PADI4: variants seen among roughly 807,000 people sequenced by gnomAD.
PADI4 encodes the protein protein-arginine deiminase type-4.
A neutral mutation model predicts 75.0 loss-of-function variants in PADI4; 62 were observed. The ratio of observed to expected loss-of-function variants is 0.83; its 90% CI spans 0.67 to 1.02. PADI4 has a LOEUF of 1.02. Ranked by LOEUF, PADI4 falls within the 50% of genes least tolerant of loss-of-function variation. The pLI, the probability that PADI4 is intolerant of heterozygous loss-of-function variation, is 0.00. For synonymous variants in PADI4, 361 were observed against 348.1 expected (o/e 1.04, Z -0.41); for missense variants, 845 against 850.5 (o/e 0.99, Z 0.08).
At chr1:17,317,073 G>C (rs1208974260) in intron 1 of PADI4, among the ~76,000 whole-genome samples, 1 of 152,158 alleles carries the variant, frequency 6.6e-6, no homozygotes, top group South Asian at 2.1e-4. Context: ...AACTCCAATA[G>C]TACGTATGTC....
intron 1 of PADI4, among the ~76,000 whole-genome samples, chr1:17,308,662 A>G (rs1016493785): frequency 6.6e-6 from 1 of 152,128 alleles, no homozygotes; most frequent in African/African-American, 2.4e-5. Context: ...CCCTGGAAGT[A>G]AGGTTAGCCC....
chr1:17,356,042 A>C lies in PADI4; in HGVS notation c.1370A>C (p.Gln457Pro). 1 of 1,613,928 alleles carries C rather than the reference A, an allele frequency of 6.2e-7. No homozygotes were observed. Among genetic ancestry groups the C allele is most frequent in the Non-Finnish European group, 8.5e-7 (1 of 1,179,784 alleles). ...LQDFLSAQQV[Q>P]APVKLYSDWL... Reference sequence around the variant, plus strand: ...GACTTCCTCAGTGCCCAGCAGGTGCAGGCCCCTGTGAAGCTCTATTCTGAC... The same window carrying C: ...GACTTCCTCAGTGCCCAGCAGGTGCCGGCCCCTGTGAAGCTCTATTCTGAC... The change falls in exon 12 of 16, where the codon CAG (glutamine) becomes CCG (proline). Residue 457 changes from glutamine to proline, a missense_variant. Physicochemically the swap from Gln to Pro is moderately conservative, Grantham distance 76. Transcript: ENST00000375448. The surrounding 1 kb of genome is among the most constrained non-coding windows in gnomAD (Gnocchi z 4.1).
In PADI4 at chr1:17,346,266, G is replaced by C. The variant is rs2100754286; in HGVS notation, c.1047+127G>C. 1.6e-6 allele frequency: 1 copy of C among 621,104 alleles called. No individual in the cohort carries two copies. The highest frequency in any genetic ancestry group is 2.8e-5 in the East Asian group (1 of 35,362). 38.5% of individuals were successfully genotyped at this position (621,104 alleles called of 1,614,324 possible). A position where few individuals can be genotyped will look rare whatever the true frequency, so the allele number is the denominator to read the frequency against. On this transcript the variant is annotated intron_variant, in intron 9 of 15. Coordinates refer to ENST00000375448, the MANE Select transcript of PADI4 (RefSeq NM_012387.3). This position sits in a 1 kb window ranked among gnomAD's most constrained non-coding sequence, Gnocchi z 4.3. ...TCTTCCTTAGATGGACAGGGAGATA[G>C]GAACCTGAGAGATCCTTGGGCCGGG... is the stretch of plus-strand genomic sequence containing the variant.
intron 8 of PADI4, among the ~76,000 whole-genome samples, chr1:17,343,423 G>A (rs1283756490): frequency 2.0e-5 from 3 of 152,104 alleles, no homozygotes; most frequent in African/African-American, 7.2e-5. Flanking sequence ...AGGGGCAGAA[G>A]AGTAAGAGGG....
chr1:17,315,566 C>A (rs563666221), intron 1 of PADI4, among the ~76,000 whole-genome samples: 14 of 150,710 alleles, frequency 9.3e-5, no homozygotes, highest in Non-Finnish European at 1.2e-4. Context: ...CCACCACCAT[C>A]CCTTACAGCG....
chr1:17,343,846 T>C (rs2074467734), intron 8 of PADI4, among the ~76,000 whole-genome samples: 1 of 152,148 alleles, frequency 6.6e-6, no homozygotes, highest in East Asian at 1.9e-4. Context: ...TTTTCCTTCC[T>C]AGTCTCAGGT....
chr1:17,308,429 C>T lies in PADI4; in HGVS notation c.92+115C>T, dbSNP rs1283270767. 10 of 773,788 alleles carry T rather than the reference C, an allele frequency of 1.3e-5. No individual in the cohort carries two copies. The East Asian group carries it at 2.4e-4, about 19-fold the overall frequency. The allele number at this position is 773,788 out of a possible 1,614,324, so 47.9% of individuals were successfully genotyped here. A position where few individuals can be genotyped will look rare whatever the true frequency, so the allele number is the denominator to read the frequency against. On this transcript the variant is annotated intron_variant, in intron 1 of 15. Transcript: ENST00000375448. ...AGGCTCTAGGCTCCAGCCTCTGCAGCCACTGCCAGGGGAGTAGCTGGAGAG... is the reference window on the plus strand; with the variant it reads ...AGGCTCTAGGCTCCAGCCTCTGCAGTCACTGCCAGGGGAGTAGCTGGAGAG...
intron 1 of PADI4, among the ~76,000 whole-genome samples, chr1:17,316,495 C>A (rs919014162): frequency 1.8e-4 from 27 of 151,798 alleles, no homozygotes; most frequent in Admixed American, 3.3e-4. Context: ...CGAGACCATC[C>A]TGGCTAACAC....
Position 17,356,376 on chromosome 1 carries a change from C to T in PADI4, c.1475C>T (p.Ala492Val), listed in dbSNP as rs781519407. The change falls in exon 13 of 16, where the codon GCC becomes GTC. Residue 492 changes from alanine to valine, a missense_variant. Physicochemically the swap from Ala to Val is moderately conservative, Grantham distance 64. Transcript: ENST00000375448. This position sits in a 1 kb window ranked among gnomAD's most constrained non-coding sequence, Gnocchi z 4.1. ...CTCCAGGGCTTCCGGCTGCTCCTGG[C>T]CAGCCCCAGGTCCTGCTACAAACTG... ...PDRKGFRLLL[A>V]SPRSCYKLFQ... The T allele has an allele frequency of 6.2e-7, 1 of 1,610,218 alleles. No individual in the cohort carries two copies. The highest frequency in any genetic ancestry group is 8.5e-7 in the Non-Finnish European group (1 of 1,177,756).
In PADI4 at chr1:17,331,012, C is replaced by T. The variant is rs2074200858; in HGVS notation, c.136C>T (p.Pro46Ser). 6.2e-7 allele frequency: 1 copy of T among 1,603,850 alleles called. No homozygotes were observed. The change falls in exon 2 of 16, where the codon CCA (proline) becomes TCA (serine). Residue 46 changes from proline to serine, a missense_variant. Physicochemically the swap from Pro to Ser is moderately conservative, Grantham distance 74. Transcript: ENST00000375448. The stretch of plus-strand genomic sequence containing the variant: ...CACGTCCTTCAGCATCAACGCCTCC[C>T]CAGGGGTGGTCGTGGATATTGCCCA... ...DCTSFSINASPGVVVDIAHGP... is the reference protein window; with the variant it reads ...DCTSFSINASSGVVVDIAHGP...
chr1:17,308,228 C>T lies in PADI4; in HGVS notation c.6C>T (p.Ala2=), dbSNP rs1264401208. The T allele has an allele frequency of 2.5e-6, 4 of 1,613,938 alleles. No homozygotes were observed. Among genetic ancestry groups the T allele is most frequent in the Admixed American group, 1.7e-5 (1 of 60,002 alleles). The change falls in exon 1 of 16, where the codon GCC becomes GCT. Residue 2 remains alanine (A), a synonymous_variant. Transcript: ENST00000375448. The stretch of plus-strand genomic sequence containing the variant: ...AGGGACGAGCTAGCCCGACGATGGC[C>T]CAGGGGACATTGATCCGTGTGACCC... M[A]QGTLIRVTPE... is the part of the protein sequence containing the mutation.
intron 1 of PADI4, among the ~76,000 whole-genome samples, chr1:17,319,498 G>A (rs961193592): frequency 3.3e-5 from 5 of 152,162 alleles, no homozygotes; most frequent in African/African-American, 1.2e-4. Context: ...CAGCCTGGGA[G>A]GTTGAGTTGC....
intron 15 of PADI4, among the ~76,000 whole-genome samples, chr1:17,361,800 C>A (rs1430929040): frequency 6.6e-6 from 1 of 152,200 alleles, no homozygotes. Flanking sequence ...ATGGAGGAAG[C>A]AGAGTCATTT....
At chr1:17,349,670 A>T (rs199766211) in intron 10 of PADI4, among the ~76,000 whole-genome samples, 2 of 148,966 alleles carry the variant, frequency 1.3e-5, no homozygotes, top group African/African-American at 4.9e-5. Flanking sequence ...GCACCACTGC[A>T]CTCCAGCCTG....
chr1:17,348,989 C>A (rs142280700), intron 10 of PADI4, among the ~76,000 whole-genome samples: 1 of 152,196 alleles, frequency 6.6e-6, no homozygotes, highest in East Asian at 1.9e-4. Context: ...AGTGGCCCTG[C>A]CCACACAGAA....
In PADI4 at chr1:17,363,552, G is replaced by A. The variant is rs747748276; in HGVS notation, c.1789G>A (p.Gly597Ser). The A allele has an allele frequency of 1.2e-6, 2 of 1,613,730 alleles. No homozygotes were observed. The highest frequency in any genetic ancestry group is 2.2e-5 in the East Asian group (1 of 44,850). The change falls in exon 16 of 16, where the codon GGC becomes AGC. Residue 597 changes from glycine (G) to serine (S), a missense_variant. By Grantham distance (56) the Gly-to-Ser change is moderately conservative. Transcript: ENST00000375448. ...VNMLVLGKHL[G>S]IPKPFGPVIN... Reference sequence around the variant, plus strand: ...CATGCTGGTGCTAGGGAAGCACCTGGGCATCCCCAAGCCCTTCGGGCCCGT... The same window carrying A: ...CATGCTGGTGCTAGGGAAGCACCTGAGCATCCCCAAGCCCTTCGGGCCCGT...
chr1:17,352,018 C>CAGTCAGGGAGGAGACAGGA (rs1557576585), intron 10 of PADI4, among the ~76,000 whole-genome samples: 1 of 10,090 alleles, frequency 9.9e-5, no homozygotes, highest in African/African-American at 6.6e-4. Flanking sequence ...GGAGGAGAGG[C>CAGTCAGGGAGGAGACAGGA]GGCCAGGGAG....
intron 1 of PADI4, among the ~76,000 whole-genome samples, chr1:17,327,936 A>G (rs2074142005): frequency 6.6e-6 from 1 of 151,552 alleles, no homozygotes; most frequent in Non-Finnish European, 1.5e-5. Flanking sequence ...CAGTTCTCCT[A>G]TTCATTTTCT....
At chr1:17,357,105 T>A (rs1459756951) in intron 13 of PADI4, among the ~76,000 whole-genome samples, 7 of 152,214 alleles carry the variant, frequency 4.6e-5, no homozygotes, top group Admixed American at 4.6e-4. Flanking sequence ...GGCAAAATGT[T>A]CCAGTGAACA....
Sources: gnomAD v4.1 joint callset for allele counts (sites outside exome capture counted in the v4.1 genomes callset) on GRCh38, gnomAD v4.1.1 for gene constraint, Gnocchi (gnomAD v3.1) non-coding constraint, MANE v1.5 for transcripts, NCBI Gene and HGNC (gene_info 2026-07-23, HGNC 2026-07-21) for gene names.